The following CMSS1 variants were observed in gnomAD, a reference collection of about 807,000 sequenced individuals.
The protein encoded by CMSS1 is protein CMSS1.
Under a neutral mutation model 43.5 loss-of-function variants are expected in CMSS1, and 33 were observed. That is an observed-to-expected ratio of 0.76 (90% CI 0.57 to 1.01). The LOEUF is 1.01. Ranked by LOEUF, CMSS1 falls within the 50% of genes least tolerant of loss-of-function variation. CMSS1 has a pLI of 0.00. For missense variants in CMSS1, 313 were observed against 326.4 expected (o/e 0.96, Z 0.32); for synonymous variants, 115 against 117.2 (o/e 0.98, Z 0.12).
intron 1 of CMSS1, among the ~76,000 whole-genome samples, chr3:99,842,926 A>G (rs547515928): frequency 6.6e-6 from 1 of 152,270 alleles, no homozygotes; most frequent in South Asian, 2.1e-4. Context: ...ACCCTACAGC[A>G]TTGCCTTTGG....
chr3:100,145,043 T>C (rs556112158), intron 1 of CMSS1, among the ~76,000 whole-genome samples: 5 of 152,352 alleles, frequency 3.3e-5, no homozygotes, highest in Non-Finnish European at 5.9e-5. Context: ...ATAAATACTT[T>C]TAATGACAAT....
intron 1 of CMSS1, among the ~76,000 whole-genome samples, chr3:100,119,177 G>A (rs1214159212): frequency 6.6e-6 from 1 of 152,186 alleles, no homozygotes; most frequent in African/African-American, 2.4e-5. Context: ...GCACATGTCT[G>A]CAAGGTGTTG....
chr3:99,996,281 A>G (rs949950875), intron 1 of CMSS1, among the ~76,000 whole-genome samples: 1 of 152,146 alleles, frequency 6.6e-6, no homozygotes, highest in African/African-American at 2.4e-5. Context: ...AAAACATAAC[A>G]AGAGTCACCT....
intron 1 of CMSS1, among the ~76,000 whole-genome samples, chr3:100,064,555 A>G (rs1442335719): frequency 4.6e-5 from 7 of 152,154 alleles, no homozygotes; most frequent in Non-Finnish European, 7.3e-5. Context: ...ACCCACTATT[A>G]TATGTAGAGA....
At chr3:100,100,937 T>G (rs1376601253) in intron 1 of CMSS1, among the ~76,000 whole-genome samples, 1 of 152,154 alleles carries the variant, frequency 6.6e-6, no homozygotes. Flanking sequence ...AGCTTCCTTG[T>G]GTGTTAGTGG....
chr3:100,029,704 T>C (rs10049383), intron 1 of CMSS1, among the ~76,000 whole-genome samples: 27,575 of 152,164 alleles, frequency 0.18, 2,897 homozygotes, highest in South Asian at 0.25. Context: ...ACAACATTTC[T>C]GATGGTTTCT....
intron 1 of CMSS1, among the ~76,000 whole-genome samples, chr3:99,866,919 A>T (rs1045561375): frequency 2.6e-5 from 4 of 152,176 alleles, no homozygotes; most frequent in Non-Finnish European, 5.9e-5. Context: ...GTACAAATTA[A>T]AATTATTTTG....
intron 1 of CMSS1, chr3:99,830,379 T>A: frequency 2.6e-6 from 1 of 379,520 alleles, no homozygotes; most frequent in South Asian, 1.9e-5. Context: ...CATATTTCTG[T>A]AGATGAATGT....
chr3:100,000,449 T>A (rs1709809854), intron 1 of CMSS1, among the ~76,000 whole-genome samples: 1 of 152,344 alleles, frequency 6.6e-6, no homozygotes, highest in African/African-American at 2.4e-5. Flanking sequence ...TAGTAATATG[T>A]GTGACTGCTG....
intron 1 of CMSS1, among the ~76,000 whole-genome samples, chr3:99,900,739 C>T (rs576771309): frequency 6.6e-6 from 1 of 152,184 alleles, no homozygotes; most frequent in African/African-American, 2.4e-5. Context: ...CTGAGCTGCA[C>T]GTTGGAACTA....
At chr3:99,883,946 C>T (rs1232199764) in intron 1 of CMSS1, among the ~76,000 whole-genome samples, 1 of 152,176 alleles carries the variant, frequency 6.6e-6, no homozygotes, top group African/African-American at 2.4e-5. Context: ...AAATCACACT[C>T]AGTGTTTTGT....
intron 1 of CMSS1, among the ~76,000 whole-genome samples, chr3:99,853,171 G>A (rs1053296624): frequency 2.6e-5 from 4 of 152,178 alleles, no homozygotes; most frequent in African/African-American, 9.7e-5. Context: ...GAGTCCATGG[G>A]TAAACTGCTT....
chr3:100,082,363 C>G (rs2065945537), intron 1 of CMSS1, among the ~76,000 whole-genome samples: 1 of 152,206 alleles, frequency 6.6e-6, no homozygotes, highest in African/African-American at 2.4e-5. Flanking sequence ...AAAGGAACTC[C>G]TCTGTACTGC....
At position 100,157,097 on chromosome 3, in the gene CMSS1, A is replaced by T. The variant is rs540291249; in HGVS notation, c.154-3333A>T. On this transcript the variant is annotated intron_variant, in intron 2 of 9. Transcript: ENST00000421999. Reference sequence around the variant, plus strand: ...GATCTCTTTTTCTATAATATCATTTATTGAAAAATTGAATCTCTTGGGCTG... The same window carrying T: ...GATCTCTTTTTCTATAATATCATTTTTTGAAAAATTGAATCTCTTGGGCTG... Among the ~76,000 whole-genome samples the T allele has an allele frequency of 3.3e-5, 5 of 152,300 alleles. No homozygotes were observed. In the South Asian group the frequency reaches 1.0e-3, roughly 32 times the overall value.
chr3:100,008,176 A>G (rs1710041866), intron 1 of CMSS1, among the ~76,000 whole-genome samples: 1 of 152,202 alleles, frequency 6.6e-6, no homozygotes, highest in African/African-American at 2.4e-5. Flanking sequence ...CAGTAAGGCT[A>G]CTAAGCAGTG....
At chr3:100,046,168 A>G (rs1260931165) in intron 1 of CMSS1, among the ~76,000 whole-genome samples, 2 of 152,204 alleles carry the variant, frequency 1.3e-5, no homozygotes, top group Non-Finnish European at 2.9e-5. Context: ...CAAATTTCCC[A>G]GGGCACTGAT....
chr3:99,981,152 C>G (rs1203436012), intron 1 of CMSS1, among the ~76,000 whole-genome samples: 1 of 152,090 alleles, frequency 6.6e-6, no homozygotes, highest in African/African-American at 2.4e-5. Context: ...TCACAAACAC[C>G]CTGTGCTGGG....
At chr3:100,071,852 T>C (rs2065769128) in intron 1 of CMSS1, among the ~76,000 whole-genome samples, 1 of 152,154 alleles carries the variant, frequency 6.6e-6, no homozygotes, top group African/African-American at 2.4e-5. Flanking sequence ...CCAACTTCAT[T>C]ATTTCCCAGG....
At chr3:100,178,189 C>T in intron 9 of CMSS1, 116 bp from the exon 10 acceptor site, 2 of 605,922 alleles carry the variant, frequency 3.3e-6, no homozygotes, top group Non-Finnish European at 5.9e-6. Flanking sequence ...TTTGCACTCT[C>T]TGATTCTGGC....
Sources: gnomAD v4.1 joint callset for allele counts (sites outside exome capture counted in the v4.1 genomes callset) on GRCh38, gnomAD v4.1.1 for gene constraint, MANE v1.5 for transcripts, NCBI Gene and HGNC (gene_info 2026-07-23, HGNC 2026-07-21) for gene names.